BTBD9: variants seen among roughly 807,000 people sequenced by gnomAD.
BTBD9 encodes BTB/POZ domain-containing protein 9.
Under a neutral mutation model 64.3 loss-of-function variants are expected in BTBD9, and 49 were observed. The ratio of observed to expected loss-of-function variants is 0.76; its 90% CI spans 0.61 to 0.97. The LOEUF (loss-of-function observed/expected upper bound fraction) is 0.97, where lower values mean the gene tolerates loss of function less well. BTBD9 is among the 50% of genes least tolerant of loss of function. BTBD9 has a pLI of 0.00. For synonymous variants in BTBD9, 260 were observed against 274.7 expected, an observed-to-expected ratio of 0.95 and a Z score of 0.53; for missense variants, 598 against 762.1, an observed-to-expected ratio of 0.78 and a Z score of 2.53.
At chr6:38,318,877 T>A (rs1763127200) in intron 7 of BTBD9, among the ~76,000 whole-genome samples, 2 of 152,198 alleles carry the variant, frequency 1.3e-5, no homozygotes, top group African/African-American at 4.8e-5. Flanking sequence ...CCAGGCCCCA[T>A]GCAGGTCCAG....
chr6:38,446,763 C>CCTA (rs2127325262), intron 6 of BTBD9, among the ~76,000 whole-genome samples: 1 of 152,294 alleles, frequency 6.6e-6, no homozygotes, highest in African/African-American at 2.4e-5. Flanking sequence ...AAGTAGCTTA[C>CCTA]CTAAGGTCAT....
In BTBD9 at chr6:38,221,555, G is replaced by T. The variant is rs374203665; in HGVS notation, c.1563-28958C>A. ...CCGCCCGTCAATGAACCATTGCATTGAAATAATTTTGCCAGGGGAAACCCA... is the reference window on the plus strand; with the variant it reads ...CCGCCCGTCAATGAACCATTGCATTTAAATAATTTTGCCAGGGGAAACCCA... On this transcript the variant is annotated intron_variant, in intron 9 of 10. Coordinates refer to ENST00000481247, the MANE Select transcript of BTBD9 (RefSeq NM_001099272.2). 1.9e-3 allele frequency among the ~76,000 whole-genome samples: 290 copies of T among 152,276 alleles called. 3 individuals are homozygous for T. Among genetic ancestry groups the T allele is most frequent in the African/African-American group, 6.7e-3 (277 of 41,556 alleles).
At chr6:38,538,795 T>TC (rs1774139331) in intron 6 of BTBD9, among the ~76,000 whole-genome samples, 1 of 141,312 alleles carries the variant, frequency 7.1e-6, no homozygotes, top group Non-Finnish European at 1.6e-5. Flanking sequence ...TTTTTTTTTT[T>TC]CTTTTTGAGA....
chr6:38,245,587 C>T (rs551515311), intron 9 of BTBD9, among the ~76,000 whole-genome samples: 97 of 152,236 alleles, frequency 6.4e-4, no homozygotes, highest in Non-Finnish European at 1.2e-3. Flanking sequence ...GAATTCTGTT[C>T]TTGATTCAGA....
chr6:38,531,473 T>C (rs1011383331), intron 6 of BTBD9, among the ~76,000 whole-genome samples: 2 of 152,186 alleles, frequency 1.3e-5, no homozygotes, highest in African/African-American at 4.8e-5. Context: ...GAAAAGGATG[T>C]TAATGAGCAA....
At position 38,408,564 on chromosome 6, in the gene BTBD9, T is replaced by C. The variant is rs563053997; in HGVS notation, c.1155-63471A>G. ...GACTGCCACATTGACACCTTAGCCT[T>C]ACATCATGAGATATAGTTGTTAAGG... On this transcript the variant is annotated intron_variant, in intron 6 of 10. Coordinates refer to ENST00000481247, the MANE Select transcript of BTBD9 (RefSeq NM_001099272.2). Among the ~76,000 whole-genome samples the C allele has an allele frequency of 8.5e-5, 13 of 152,308 alleles. No homozygotes were observed. In the South Asian group the frequency reaches 1.2e-3, roughly 15 times the overall value.
At chr6:38,275,213 TC>T (rs1320348465) in intron 8 of BTBD9, among the ~76,000 whole-genome samples, 1 of 152,108 alleles carries the variant, frequency 6.6e-6, no homozygotes, top group Non-Finnish European at 1.5e-5. Flanking sequence ...AACTATCTGA[TC>T]TTTGACAAAC....
rs527715894 is a variant in BTBD9 at position 38,412,152 on chromosome 6, C to CA, written c.1155-67060dup. Among the ~76,000 whole-genome samples, 47 of 150,896 alleles carry CA rather than the reference C, an allele frequency of 3.1e-4. No homozygotes were observed. The East Asian group carries it at 4.3e-3, about 14-fold the overall frequency. On this transcript the variant is annotated intron_variant, in intron 6 of 10. Coordinates refer to ENST00000481247, the MANE Select transcript of BTBD9 (RefSeq NM_001099272.2). ...AAAACAAAATTCTACATACTAAAAACAAAAAAAAGCAACACAAAAGTACAA... is the reference window on the plus strand; with the variant it reads ...AAAACAAAATTCTACATACTAAAAACAAAAAAAAAGCAACACAAAAGTACAA...
At chr6:38,607,472 C>T (rs1024635040) in intron 1 of BTBD9, among the ~76,000 whole-genome samples, 11 of 152,174 alleles carry the variant, frequency 7.2e-5, no homozygotes, top group African/African-American at 2.7e-4. Context: ...CCTTTATAAA[C>T]TGTAGTATTA....
chr6:38,455,962 C>A (rs1284472166), intron 6 of BTBD9, among the ~76,000 whole-genome samples: 1 of 151,900 alleles, frequency 6.6e-6, no homozygotes, highest in Non-Finnish European at 1.5e-5. Context: ...CAGGCATGAG[C>A]CACTGCACCT....
chr6:38,514,932 C>CT (rs774291283), intron 6 of BTBD9, among the ~76,000 whole-genome samples: 50 of 152,326 alleles, frequency 3.3e-4, no homozygotes, highest in Admixed American at 1.4e-3. Context: ...TCGAAACAGA[C>CT]TGGCACCAGA....
rs1381804564 is a variant in BTBD9, at chr6:38,323,472, C to T, written c.1264+21512G>A. ...GGGAAGGAAAGAAGAGCCAAGGAAG[C>T]CAGCTGGGTAGGGGTGAGTGTGAGG... On this transcript the variant is annotated intron_variant, in intron 7 of 10. Transcript: ENST00000481247. Among the ~76,000 whole-genome samples, 3 of 152,084 alleles carry T rather than the reference C, an allele frequency of 2.0e-5. No homozygotes were observed. In the East Asian group the frequency reaches 5.8e-4, roughly 29 times the overall value.
intron 7 of BTBD9, among the ~76,000 whole-genome samples, chr6:38,324,916 G>A (rs1256629612): frequency 2.0e-5 from 3 of 152,120 alleles, no homozygotes; most frequent in Non-Finnish European, 4.4e-5. Flanking sequence ...CCATCACCAG[G>A]GGAATCAATG....
At chr6:38,177,228 G>C (rs1761310896) in intron 10 of BTBD9, among the ~76,000 whole-genome samples, 2 of 152,180 alleles carry the variant, frequency 1.3e-5, no homozygotes, top group Admixed American at 6.5e-5. Context: ...ACTTACGTTT[G>C]TCCTACTCCT....
chr6:38,443,173 C>T (rs1254212507), intron 6 of BTBD9, among the ~76,000 whole-genome samples: 1 of 152,146 alleles, frequency 6.6e-6, no homozygotes, highest in African/African-American at 2.4e-5. Flanking sequence ...TCTATACTAA[C>T]TTTATCAGAG....
rs77478563 is a variant in BTBD9, at chr6:38,258,409, A to G, written c.1455-1893T>C. On this transcript the variant is annotated intron_variant, in intron 8 of 10. Coordinates refer to ENST00000481247, the MANE Select transcript of BTBD9 (RefSeq NM_001099272.2). ...TTTCAACCTTAAAAGTCCTTCCCAT[A>G]CAAACTATGTGTTTTACTGCTTTAT... Among the ~76,000 whole-genome samples the G allele has an allele frequency of 4.3e-3, 651 of 152,320 alleles. 39 individuals are homozygous for G. The East Asian group carries it at 0.12, about 27-fold the overall frequency.
At chr6:38,588,999 TG>T (rs1776673600) in intron 4 of BTBD9, among the ~76,000 whole-genome samples, 1 of 152,192 alleles carries the variant, frequency 6.6e-6, no homozygotes, top group Non-Finnish European at 1.5e-5. Context: ...AATGCTTCCT[TG>T]TATTTATATT....
chr6:38,482,555 T>C (rs1771203400), intron 6 of BTBD9: 1 of 152,218 alleles, frequency 6.6e-6, no homozygotes, highest in Non-Finnish European at 1.5e-5. Context: ...CTTTCCTTTC[T>C]ACCGCATGTT....
chr6:38,189,208 C>T (rs1443402856), intron 10 of BTBD9, among the ~76,000 whole-genome samples: 1 of 152,118 alleles, frequency 6.6e-6, no homozygotes, highest in Non-Finnish European at 1.5e-5. Flanking sequence ...TATGCTGCGG[C>T]CCTCCCCAGC....
Sources: allele counts gnomAD v4.1 joint callset (sites outside exome capture counted in the v4.1 genomes callset), GRCh38; gene constraint gnomAD v4.1.1; transcripts MANE v1.5; gene names NCBI Gene and HGNC (gene_info 2026-07-23, HGNC 2026-07-21).